The following C8B variants were observed in gnomAD, a reference collection of about 807,000 sequenced individuals.
C8B encodes complement C8 beta chain.
C8B carries 67 observed loss-of-function variants against 64.6 expected under a neutral mutation model. The ratio of observed to expected loss-of-function variants is 1.04; its 90% CI spans 0.85 to 1.27. The LOEUF (loss-of-function observed/expected upper bound fraction) is 1.27, where lower values mean the gene tolerates loss of function less well. C8B is among the 50% of genes most tolerant of loss of function. The pLI is 0.00. For missense variants in C8B, 790 were observed against 725.2 expected, an observed-to-expected ratio of 1.09 and a Z score of -1.03; for synonymous variants, 284 against 257.7, an observed-to-expected ratio of 1.10 and a Z score of -0.98.
chr1:56,938,505 T>A (rs575040345), intron 9 of C8B, among the ~76,000 whole-genome samples: 1 of 152,380 alleles, frequency 6.6e-6, no homozygotes, highest in South Asian at 2.1e-4. Context: ...TTTCTGTTTT[T>A]TTAGACATCG....
intron 3 of C8B, among the ~76,000 whole-genome samples, chr1:56,956,545 T>C (rs7541538): frequency 0.68 from 103,179 of 152,046 alleles, 35,342 homozygotes; most frequent in South Asian, 0.76. Flanking sequence ...CTTCAAGTCT[T>C]GATTTTTTAA....
intron 9 of C8B, 92 bp from the exon 10 acceptor site, chr1:56,933,580 T>C: frequency 9.3e-7 from 1 of 1,079,586 alleles, no homozygotes; most frequent in Non-Finnish European, 1.4e-6. Context: ...CTGGGATCAG[T>C]GTATAGAGAC....
intron 7 of C8B, among the ~76,000 whole-genome samples, chr1:56,944,923 G>A (rs1048013125): frequency 6.6e-6 from 1 of 152,166 alleles, no homozygotes; most frequent in African/African-American, 2.4e-5. Context: ...AAGGATATTG[G>A]GTTGGAAAGC....
intron 1 of C8B, among the ~76,000 whole-genome samples, chr1:56,961,490 A>G (rs190574870): frequency 2.8e-4 from 42 of 152,308 alleles, no homozygotes; most frequent in African/African-American, 8.9e-4. Flanking sequence ...CAGTGGTGTT[A>G]CGATCTGAGC....
At chr1:56,935,631 A>G (rs1266110604) in intron 9 of C8B, among the ~76,000 whole-genome samples, 1 of 152,254 alleles carries the variant, frequency 6.6e-6, no homozygotes, top group Non-Finnish European at 1.5e-5. Flanking sequence ...GCTGAATTAA[A>G]CACTTTATAT....
chr1:56,949,995 C>A (rs1644997880), intron 5 of C8B, among the ~76,000 whole-genome samples: 2 of 152,032 alleles, frequency 1.3e-5, no homozygotes, highest in African/African-American at 2.4e-5. Context: ...TTTCAACTGG[C>A]AAAAATGCAG....
chr1:56,933,520 GA>G (rs1409314124), intron 9 of C8B, 32 bp from the exon 10 acceptor site: 2 of 1,595,676 alleles, frequency 1.3e-6, no homozygotes, highest in African/African-American at 1.3e-5. Flanking sequence ...TATTTCAAGA[GA>G]AAAACATTTA....
intron 9 of C8B, among the ~76,000 whole-genome samples, chr1:56,937,218 G>T (rs1422038138): frequency 1.3e-5 from 2 of 152,164 alleles, no homozygotes; most frequent in South Asian, 4.1e-4. Flanking sequence ...CAAGGTTGAG[G>T]CTTTCCAAAC....
Position 56,947,288 on chromosome 1 carries a change from C to A in C8B, c.865-1227G>T, listed in dbSNP as rs189566433. Among the ~76,000 whole-genome samples the A allele has an allele frequency of 7.2e-4, 109 of 152,254 alleles. 1 individual carries two copies. Among genetic ancestry groups the A allele is most frequent in the Middle Eastern group, 3.4e-3 (1 of 294 alleles). On this transcript the variant is annotated intron_variant, in intron 6 of 11. Transcript: ENST00000371237. ...ATCATCACAATTTGTCCTCCAGTAG[C>A]CTCTCTGGCTTCAGCTTCTACACTC...
Position 56,945,917 on chromosome 1 carries a change from A to G in C8B, c.1009T>C (p.Phe337Leu). The change falls in exon 7 of 12, where the codon TTC becomes CTC. Residue 337 changes from phenylalanine to leucine, a missense_variant. By Grantham distance (22) the Phe-to-Leu change is conservative. Coordinates refer to ENST00000371237, the MANE Select transcript of C8B (RefSeq NM_000066.4). ...ATGTAGTGGGTCCCAAAATCACGGA[A>G]GAGATCTCTGTATTCCCCGTAGCTG... ...EYSYGEYRDL[F>L]RDFGTHYITE... 1 of 1,613,924 alleles carries G rather than the reference A, an allele frequency of 6.2e-7. No homozygotes were observed. The highest frequency in any genetic ancestry group is 1.1e-5 in the South Asian group (1 of 91,072).
chr1:56,955,188 G>A (rs927837262), intron 3 of C8B, among the ~76,000 whole-genome samples: 1 of 152,086 alleles, frequency 6.6e-6, no homozygotes, highest in Non-Finnish European at 1.5e-5. Flanking sequence ...TGTAAAATAG[G>A]AAAGTAAAAT....
At chr1:56,953,165 C>T (rs1349285416) in intron 4 of C8B, among the ~76,000 whole-genome samples, 2 of 152,078 alleles carry the variant, frequency 1.3e-5, no homozygotes, top group Non-Finnish European at 2.9e-5. Context: ...TTGTAACTGC[C>T]TCCTAAGGCA....
chr1:56,946,350 G>T (rs1644942389), intron 6 of C8B, among the ~76,000 whole-genome samples: 1 of 152,176 alleles, frequency 6.6e-6, no homozygotes, highest in South Asian at 2.1e-4. Flanking sequence ...CAGCTGGAGG[G>T]CATGGGACCT....
intron 11 of C8B, among the ~76,000 whole-genome samples, chr1:56,931,369 C>T (rs1334314394): frequency 6.6e-6 from 1 of 152,092 alleles, no homozygotes; most frequent in Non-Finnish European, 1.5e-5. Context: ...ACCCAAAATA[C>T]AATGCACAAA....
intron 1 of C8B, chr1:56,963,892 A>C: frequency 1.4e-5 from 14 of 985,426 alleles, no homozygotes; most frequent in Non-Finnish European, 1.6e-5. Context: ...TACAAGAGTA[A>C]GTAAGAACAA....
rs753203467 is a variant in C8B, at chr1:56,941,030, C to G, written c.1235-18G>C. 6.2e-7 allele frequency: 1 copy of G among 1,613,716 alleles called. No homozygotes were observed. Among genetic ancestry groups the G allele is most frequent in the African/African-American group, 1.3e-5 (1 of 75,016 alleles). On this transcript the variant is annotated intron_variant, in intron 8 of 11. Transcript: ENST00000371237. ...GTTTCTGTCTGGAATGGACACAGAGCTAGCAGGTCACAGAAGATATCCCTT... is the reference window on the plus strand; with the variant it reads ...GTTTCTGTCTGGAATGGACACAGAGGTAGCAGGTCACAGAAGATATCCCTT...
At position 56,929,257 on chromosome 1, in the gene C8B, G is replaced by T; in HGVS notation, c.*147C>A. The T allele has an allele frequency of 1.2e-6, 1 of 806,874 alleles. No individual in the cohort carries two copies. The highest frequency in any genetic ancestry group is 2.5e-5 in the East Asian group (1 of 40,250). 50.0% of individuals were successfully genotyped at this position (806,874 alleles called of 1,614,324 possible). On this transcript the variant is annotated 3_prime_UTR_variant, in exon 12 of 12. Transcript: ENST00000371237. ...ATTTAAATCAACTTGCATTTTACAAGGTAACATCTTTATTTTAAACAGCTT... is the reference window on the plus strand; with the variant it reads ...ATTTAAATCAACTTGCATTTTACAATGTAACATCTTTATTTTAAACAGCTT...
chr1:56,964,134 C>T (rs185340540), intron 1 of C8B: 8 of 308,160 alleles, frequency 2.6e-5, no homozygotes, highest in East Asian at 1.7e-4. Context: ...TCTTACATAG[C>T]GAGAAGGAGA....
At position 56,946,002 on chromosome 1, in the gene C8B, G is replaced by C. The variant is rs1456874553; in HGVS notation, c.924C>G (p.Pro308=). Residue 308 remains proline (P), a synonymous_variant, in exon 7 of 12, where the codon CCC becomes CCG. Coordinates refer to ENST00000371237, the MANE Select transcript of C8B (RefSeq NM_000066.4). ...DLEVAHYKLK[P]RSLMLHYEFL... is the part of the protein sequence containing the mutation. Reference sequence around the variant, plus strand: ...ACTCGTAATGGAGCATGAGGCTTCTGGGTTTCAGCTTGTAATGTGCTACTT... The same window carrying C: ...ACTCGTAATGGAGCATGAGGCTTCTCGGTTTCAGCTTGTAATGTGCTACTT... The C allele has an allele frequency of 6.2e-7, 1 of 1,614,086 alleles. No individual in the cohort carries two copies. The highest frequency in any genetic ancestry group is 8.5e-7 in the Non-Finnish European group (1 of 1,180,012).
Sources: allele counts gnomAD v4.1 joint callset (sites outside exome capture counted in the v4.1 genomes callset), GRCh38; gene constraint gnomAD v4.1.1; transcripts MANE v1.5; gene names NCBI Gene and HGNC (gene_info 2026-07-23, HGNC 2026-07-21).